RBFOX1: variants seen among roughly 807,000 people sequenced by gnomAD.
RBFOX1 encodes the protein RNA binding protein fox-1 homolog 1.
In RBFOX1, 8 loss-of-function variants were observed where a neutral mutation model predicts 57.7. That is an observed-to-expected ratio of 0.14 (90% CI 0.08 to 0.25). The LOEUF (loss-of-function observed/expected upper bound fraction) is 0.25. Ranked by LOEUF, RBFOX1 falls within the 10% of genes least tolerant of loss-of-function variation. The pLI, the probability that RBFOX1 is intolerant of heterozygous loss-of-function variation, is 1.00. For synonymous variants in RBFOX1, 326 were observed against 222.4 expected (o/e 1.47, Z -4.15); for missense variants, 611 against 548.5 (o/e 1.11, Z -1.14).
At chr16:6,801,424 A>C (rs539626571) in intron 3 of RBFOX1, among the ~76,000 whole-genome samples, 1 of 152,160 alleles carries the variant, frequency 6.6e-6, no homozygotes, top group Non-Finnish European at 1.5e-5. Flanking sequence ...TCAGCTGAAG[A>C]TAAATAAGCA....
intron 1 of RBFOX1, among the ~76,000 whole-genome samples, chr16:5,422,597 A>C (rs1277349587): frequency 9.6e-6 from 1 of 104,022 alleles, no homozygotes; most frequent in African/African-American, 3.8e-5. Flanking sequence ...AAGCGAGGAC[A>C]GGAGGAAGAG....
chr16:5,412,574 A>T (rs1243739995), intron 1 of RBFOX1, among the ~76,000 whole-genome samples: 2 of 151,612 alleles, frequency 1.3e-5, no homozygotes. Context: ...GGGCGTGAAG[A>T]CTCCCCTGGA....
At chr16:6,741,600 T>G (rs73543683) in intron 3 of RBFOX1, among the ~76,000 whole-genome samples, 4 of 147,398 alleles carry the variant, frequency 2.7e-5, no homozygotes, top group African/African-American at 1.0e-4. Context: ...ACTGCGGAGG[T>G]GGAGGTTGCG....
At chr16:6,489,185 C>T (rs1367329464) in intron 2 of RBFOX1, among the ~76,000 whole-genome samples, 1 of 152,116 alleles carries the variant, frequency 6.6e-6, no homozygotes, top group Non-Finnish European at 1.5e-5. Context: ...ACTCTTGTCA[C>T]TAGAAGAGAA....
intron 3 of RBFOX1, among the ~76,000 whole-genome samples, chr16:5,658,782 G>GTATATATA (rs377243544): frequency 7.6e-6 from 1 of 131,556 alleles, no homozygotes; most frequent in African/African-American, 3.5e-5. Flanking sequence ...ATGTATATAT[G>GTATATATA]TATATATATA....
chr16:5,331,097 G>A (rs13334198), intron 1 of RBFOX1, among the ~76,000 whole-genome samples: 8 of 152,048 alleles, frequency 5.3e-5, no homozygotes, highest in African/African-American at 1.9e-4. Flanking sequence ...GGGGAGAGAG[G>A]GAGGTAAACC....
intron 1 of RBFOX1, among the ~76,000 whole-genome samples, chr16:5,384,239 C>G (rs892322573): frequency 2.0e-5 from 3 of 152,168 alleles, no homozygotes; most frequent in African/African-American, 4.8e-5. Context: ...GTGGAGTCAT[C>G]TCACTCCCTA....
intron 1 of RBFOX1, among the ~76,000 whole-genome samples, chr16:5,298,659 TCCCC>T (rs1205584718): frequency 7.3e-5 from 1 of 13,776 alleles, no homozygotes; most frequent in South Asian, 3.6e-3. Context: ...TGCCCCTCCC[TCCCC>T]CCTCCCCCAT....
In RBFOX1 at chr16:6,944,652, C is replaced by T. The variant is rs569084794; in HGVS notation, c.-15-107405C>T. The stretch of plus-strand genomic sequence containing the variant: ...TTTTTGTGGGGGTCTGGCCATGCAT[C>T]ACAGCCTAGAAAGTGCAGGAACCTG... On this transcript the variant is annotated intron_variant, in intron 3 of 15. Transcript: ENST00000550418. Among the ~76,000 whole-genome samples the T allele has an allele frequency of 2.6e-5, 4 of 152,220 alleles. No homozygotes were observed. The East Asian group carries it at 5.8e-4, about 22-fold the overall frequency.
chr16:5,412,487 G>T (rs2067047732), intron 1 of RBFOX1, among the ~76,000 whole-genome samples: 1 of 152,162 alleles, frequency 6.6e-6, no homozygotes, highest in South Asian at 2.1e-4. Context: ...AGCAGTCCAA[G>T]ATTTATAGCT....
At chr16:6,937,163 T>C (rs1379465580) in intron 3 of RBFOX1, among the ~76,000 whole-genome samples, 1 of 152,150 alleles carries the variant, frequency 6.6e-6, no homozygotes, top group East Asian at 1.9e-4. Flanking sequence ...AAAAATGATA[T>C]TTTTTTCCAA....
At chr16:5,525,768 G>A (rs1275641445) in intron 2 of RBFOX1, among the ~76,000 whole-genome samples, 1 of 152,032 alleles carries the variant, frequency 6.6e-6, no homozygotes, top group East Asian at 1.9e-4. Context: ...AAAGTGCTGG[G>A]AATACAGGGG....
intron 3 of RBFOX1, among the ~76,000 whole-genome samples, chr16:6,942,496 C>T (rs1200980935): frequency 6.6e-6 from 1 of 152,106 alleles, no homozygotes; most frequent in Non-Finnish European, 1.5e-5. Context: ...ATCTCCATCT[C>T]CTGGGAGATG....
chr16:5,707,947 T>C (rs1018940391), intron 3 of RBFOX1, among the ~76,000 whole-genome samples: 2 of 152,230 alleles, frequency 1.3e-5, no homozygotes, highest in African/African-American at 4.8e-5. Flanking sequence ...TTTAGTTTTC[T>C]ATTCACTAGG....
intron 3 of RBFOX1, among the ~76,000 whole-genome samples, chr16:6,760,059 A>G (rs2076386306): frequency 6.6e-6 from 1 of 152,318 alleles, no homozygotes; most frequent in Non-Finnish European, 1.5e-5. Flanking sequence ...AGGTGAGCAT[A>G]TGGCTCGGGG....
chr16:5,960,342 C>T (rs1159102698), intron 4 of RBFOX1, among the ~76,000 whole-genome samples: 1 of 152,168 alleles, frequency 6.6e-6, no homozygotes, highest in Admixed American at 6.5e-5. Flanking sequence ...TATTTATTCA[C>T]AGTCACACGG....
chr16:6,801,189 A>G (rs1274157965), intron 3 of RBFOX1, among the ~76,000 whole-genome samples: 1 of 141,888 alleles, frequency 7.0e-6, no homozygotes, highest in African/African-American at 2.9e-5. Context: ...AAGAATCAAG[A>G]TTGAACATGC....
chr16:5,576,547 G>T (rs1033869086), intron 2 of RBFOX1, among the ~76,000 whole-genome samples: 4 of 152,180 alleles, frequency 2.6e-5, no homozygotes, highest in African/African-American at 9.7e-5. Context: ...ATCCTATAAA[G>T]ATGTGTATCC....
At chr16:7,345,134 C>T (rs188710599) in intron 4 of RBFOX1, among the ~76,000 whole-genome samples, 149 of 152,322 alleles carry the variant, frequency 9.8e-4, no homozygotes, top group African/African-American at 3.3e-3. Flanking sequence ...AATACACTTT[C>T]TGTTTTCCGT....
Sources: allele counts gnomAD v4.1 joint callset (sites outside exome capture counted in the v4.1 genomes callset), GRCh38; gene constraint gnomAD v4.1.1; transcripts MANE v1.5; gene names NCBI Gene and HGNC (gene_info 2026-07-23, HGNC 2026-07-21).